GOLGA4: variants seen among roughly 807,000 people sequenced by gnomAD.
GOLGA4 encodes golgin A4.
Under a neutral mutation model 265.9 loss-of-function variants are expected in GOLGA4, and 169 were observed. The ratio of observed to expected loss-of-function variants is 0.64; its 90% CI spans 0.56 to 0.72. The LOEUF is 0.72. Ranked by LOEUF, GOLGA4 falls within the 30% of genes least tolerant of loss-of-function variation. The pLI is 0.00. For missense variants in GOLGA4, 2,482 were observed against 2,483.4 expected, an observed-to-expected ratio of 1.00 and a Z score of 0.01; for synonymous variants, 923 against 855.8, an observed-to-expected ratio of 1.08 and a Z score of -1.37.
chr3:37,258,784 G>A (rs1028070332), intron 2 of GOLGA4, among the ~76,000 whole-genome samples: 2 of 152,022 alleles, frequency 1.3e-5, no homozygotes, highest in African/African-American at 2.4e-5. Context: ...ATTGAATATC[G>A]TATTAATTGG....
At chr3:37,355,751 C>T (rs2151071505) in intron 22 of GOLGA4, among the ~76,000 whole-genome samples, 1 of 152,176 alleles carries the variant, frequency 6.6e-6, no homozygotes, top group Admixed American at 6.5e-5. Flanking sequence ...AAAAATTCTC[C>T]ATGCCAAAGT....
chr3:37,316,703 G>A (rs1024797621), intron 11 of GOLGA4, among the ~76,000 whole-genome samples: 13 of 152,138 alleles, frequency 8.5e-5, no homozygotes. Context: ...TATGAAGTAT[G>A]TAGTGAAAAG....
At chr3:37,249,665 C>T (rs565277295) in intron 1 of GOLGA4, 2 of 152,298 alleles carry the variant, frequency 1.3e-5, no homozygotes, top group African/African-American at 4.8e-5. Flanking sequence ...CTAATTTCAT[C>T]TGTTGTATTG....
intron 2 of GOLGA4, among the ~76,000 whole-genome samples, chr3:37,253,388 A>C (rs899151285): frequency 2.1e-5 from 3 of 144,316 alleles, no homozygotes; most frequent in Non-Finnish European, 3.2e-5. Flanking sequence ...TTAACCAAAA[A>C]CTTAATTATA....
rs904894592 is a variant in GOLGA4, at chr3:37,310,875, C to G, written c.1235-4545C>G. 2.6e-5 allele frequency among the ~76,000 whole-genome samples: 4 copies of G among 152,116 alleles called. No homozygotes were observed. In the East Asian group the frequency reaches 7.7e-4, roughly 29 times the overall value. On this transcript the variant is annotated intron_variant, in intron 10 of 23. Coordinates refer to ENST00000361924, the MANE Select transcript of GOLGA4 (RefSeq NM_002078.5). ...GCCGTGACTGTGGTTTTCCCATGCACTCTTGCATGTTGGCAGAAGACTTGT... is the reference window on the plus strand; with the variant it reads ...GCCGTGACTGTGGTTTTCCCATGCAGTCTTGCATGTTGGCAGAAGACTTGT...
At chr3:37,338,527 A>G (rs1169372607) in intron 19 of GOLGA4, among the ~76,000 whole-genome samples, 5 of 152,180 alleles carry the variant, frequency 3.3e-5, no homozygotes, top group Non-Finnish European at 7.4e-5. Context: ...CTTAAGATCA[A>G]ATCTTGAAAA....
In GOLGA4 at chr3:37,340,191, C is replaced by T; in HGVS notation, c.6464C>T (p.Pro2155Leu). Residue 2155 changes from proline (P) to leucine (L), a missense_variant, in exon 20 of 24, where the codon CCT (proline) becomes CTT (leucine). Pro to Leu is a moderately conservative substitution (Grantham distance 98). Around this residue, in one of 3 missense-constraint regions of GOLGA4, gnomAD observed 942 missense variants for 983.1 expected, o/e 0.96. Transcript: ENST00000361924. ...KNVYATTVGTPYKGGNLYHTD... is the reference protein window; with the variant it reads ...KNVYATTVGTLYKGGNLYHTD... ...GTATATGCAACAACTGTGGGGACACCTTACAAAGGTAAGGATGATCTCGTG... is the reference window on the plus strand; with the variant it reads ...GTATATGCAACAACTGTGGGGACACTTTACAAAGGTAAGGATGATCTCGTG... The T allele has an allele frequency of 1.5e-6, 2 of 1,330,632 alleles. No homozygotes were observed. Among genetic ancestry groups the T allele is most frequent in the Non-Finnish European group, 2.1e-6 (2 of 945,878 alleles). The allele number at this position is 1,330,632 out of a possible 1,614,324, so 82.4% of individuals were successfully genotyped here. A position where few individuals can be genotyped will look rare whatever the true frequency, so the allele number is the denominator to read the frequency against.
intron 22 of GOLGA4, among the ~76,000 whole-genome samples, chr3:37,356,313 GCACATTC>G (rs1317773074): frequency 1.3e-5 from 2 of 152,020 alleles, no homozygotes; most frequent in Non-Finnish European, 2.9e-5. Flanking sequence ...AATATCTCAG[GCACATTC>G]TGACCACTTC....
chr3:37,299,099 C>G lies in GOLGA4; in HGVS notation c.1002+79C>G, dbSNP rs949341208. The G allele has an allele frequency of 1.4e-5, 17 of 1,249,686 alleles. No homozygotes were observed. The African/African-American group carries it at 1.7e-4, about 12-fold the overall frequency. The allele number at this position is 1,249,686 out of a possible 1,614,324, so 77.4% of individuals were successfully genotyped here. A position where few individuals can be genotyped will look rare whatever the true frequency, so the allele number is the denominator to read the frequency against. ...GGCTCCACAGCATGGCTTGTACCTC[C>G]GGGAGAGGAGAGTGGATGGAAAGGG... On this transcript the variant is annotated intron_variant, in intron 8 of 23. Transcript: ENST00000361924.
At chr3:37,337,806 T>A in intron 19 of GOLGA4, 72 bp downstream of exon 19, 1 of 977,954 alleles carries the variant, frequency 1.0e-6, no homozygotes, top group Non-Finnish European at 1.6e-6. Context: ...TCAGCTACTT[T>A]TTAAATAGTT....
At chr3:37,322,568 C>T (rs1416724309) in intron 13 of GOLGA4, among the ~76,000 whole-genome samples, 1 of 152,130 alleles carries the variant, frequency 6.6e-6, no homozygotes, top group Non-Finnish European at 1.5e-5. Context: ...ATCACTAACA[C>T]TTGCAAAAGG....
At chr3:37,320,400 A>G (rs2096951550) in intron 12 of GOLGA4, 1 of 152,074 alleles carries the variant, frequency 6.6e-6, no homozygotes, top group African/African-American at 2.4e-5. Flanking sequence ...TCTTACGTGT[A>G]TTGTTGTTTT....
intron 21 of GOLGA4, among the ~76,000 whole-genome samples, chr3:37,351,302 G>C (rs943556167): frequency 6.6e-6 from 1 of 152,094 alleles, no homozygotes; most frequent in African/African-American, 2.4e-5. Flanking sequence ...CATGTCTTCA[G>C]GCTCTGCTTC....
intron 22 of GOLGA4, 63 bp from the exon 23 acceptor site, chr3:37,361,180 T>C (rs1696234773): frequency 6.7e-6 from 8 of 1,200,974 alleles, no homozygotes; most frequent in African/African-American, 3.0e-5. Context: ...ACACATACAA[T>C]CTATGTGTTA....
intron 16 of GOLGA4, 115 bp from the exon 17 acceptor site, chr3:37,334,938 C>T (rs1578760214): frequency 1.7e-6 from 1 of 601,554 alleles, no homozygotes; most frequent in Non-Finnish European, 3.0e-6. Context: ...TATTTCCCTA[C>T]AGAGGTAGTT....
In GOLGA4 at chr3:37,243,604, G is replaced by A; in HGVS notation, c.54G>A (p.Gln18=). ...GCGAGGAGCAGCAGCAGCTCCAGCA[G>A]GCGCTGGCTCCTGCTCAGGTACGAT... is the stretch of plus-strand genomic sequence containing the variant. ...KISEEQQQLQ[Q]ALAPAQASSN... is the part of the protein sequence containing the mutation. The change falls in exon 1 of 24, where the codon CAG becomes CAA. Residue 18 remains glutamine, a synonymous_variant. Coordinates refer to ENST00000361924, the MANE Select transcript of GOLGA4 (RefSeq NM_002078.5). 1 of 1,613,428 alleles carries A rather than the reference G, an allele frequency of 6.2e-7. No homozygotes were observed. The highest frequency in any genetic ancestry group is 2.2e-5 in the East Asian group (1 of 44,874).
At chr3:37,350,464 G>A (rs2097070314) in intron 21 of GOLGA4, among the ~76,000 whole-genome samples, 1 of 152,016 alleles carries the variant, frequency 6.6e-6, no homozygotes, top group South Asian at 2.1e-4. Context: ...AGCTTTATGT[G>A]GTGTTGATAT....
At chr3:37,329,742 G>A (rs1406538244) in intron 16 of GOLGA4, among the ~76,000 whole-genome samples, 1 of 152,166 alleles carries the variant, frequency 6.6e-6, no homozygotes, top group Non-Finnish European at 1.5e-5. Flanking sequence ...ACACCATGAA[G>A]ATAAATCATA....
chr3:37,244,427 A>G (rs1298105463), intron 1 of GOLGA4, among the ~76,000 whole-genome samples: 4 of 152,228 alleles, frequency 2.6e-5, no homozygotes, highest in Non-Finnish European at 5.9e-5. Context: ...CGTGTTAAGT[A>G]GTATTAATTT....
Sources: allele counts gnomAD v4.1 joint callset (sites outside exome capture counted in the v4.1 genomes callset), GRCh38; gene constraint gnomAD v4.1.1; regional missense constraint gnomAD v4.1.1; transcripts MANE v1.5; gene names NCBI Gene and HGNC (gene_info 2026-07-23, HGNC 2026-07-21).